The following KATNAL1 variants were observed in gnomAD, a reference collection of about 807,000 sequenced individuals.
KATNAL1 encodes katanin catalytic subunit A1 like 1.
A neutral mutation model predicts 55.2 loss-of-function variants in KATNAL1; 32 were observed. The observed-to-expected ratio is 0.58, with a 90% CI of 0.44 to 0.78. The LOEUF (loss-of-function observed/expected upper bound fraction) is 0.78. Among genes scored for constraint, KATNAL1 ranks in the 30% least tolerant of loss-of-function variants. The pLI is 0.00. For missense variants in KATNAL1, 466 were observed against 600.9 expected (o/e 0.78, Z 2.35); for synonymous variants, 193 against 193.6 (o/e 1.00, Z 0.02).
chr13:30,296,527 T>C lies in KATNAL1; in HGVS notation c.-15+10804A>G, dbSNP rs952394377. The C allele has an allele frequency of 5.4e-6, 4 of 735,330 alleles. No individual in the cohort carries two copies. In the African/African-American group the frequency reaches 7.0e-5, roughly 13 times the overall value. 45.6% of individuals were successfully genotyped at this position (735,330 alleles called of 1,614,324 possible). ...GAGTGCATTGCCTACTGGGGCCTCT[T>C]TATCATTGATGGCAAGGGTGTCCTT... On this transcript the variant is annotated intron_variant, in intron 1 of 10. Transcript: ENST00000380615.
chr13:30,286,957 T>A (rs973187887), intron 1 of KATNAL1, among the ~76,000 whole-genome samples: 5 of 152,220 alleles, frequency 3.3e-5, no homozygotes, highest in African/African-American at 1.2e-4. Flanking sequence ...ATGGCCTATA[T>A]CCCTTTGTTT....
At position 30,241,011 on chromosome 13, in the gene KATNAL1, G is replaced by C; in HGVS notation, c.568C>G (p.Leu190Val). The C allele has an allele frequency of 6.2e-7, 1 of 1,613,466 alleles. No homozygotes were observed. The highest frequency in any genetic ancestry group is 8.5e-7 in the Non-Finnish European group (1 of 1,179,674). The change falls in exon 5 of 11, where the codon CTG becomes GTG. Residue 190 changes from leucine (L) to valine (V), a missense_variant. Coordinates refer to ENST00000380615, the MANE Select transcript of KATNAL1 (RefSeq NM_032116.5). ...ATGTCTCTTTCAAGGGCTTCCACCAGATCCTTATCATAACCAGCACCATCA... is the reference window on the plus strand; with the variant it reads ...ATGTCTCTTTCAAGGGCTTCCACCACATCCTTATCATAACCAGCACCATCA... ...KFDGAGYDKDLVEALERDIVS... is the reference protein window; with the variant it reads ...KFDGAGYDKDVVEALERDIVS...
chr13:30,265,767 T>C (rs181297726), intron 3 of KATNAL1, among the ~76,000 whole-genome samples: 411 of 151,450 alleles, frequency 2.7e-3, no homozygotes, highest in Non-Finnish European at 4.2e-3. Context: ...TCCCAGCACT[T>C]TGGGAGGCTG....
At chr13:30,217,517 G>A (rs1321429417) in intron 9 of KATNAL1, among the ~76,000 whole-genome samples, 1 of 152,180 alleles carries the variant, frequency 6.6e-6, no homozygotes, top group Non-Finnish European at 1.5e-5. Context: ...TTAATGTGTT[G>A]TTAATCATAG....
intron 1 of KATNAL1, among the ~76,000 whole-genome samples, chr13:30,289,203 A>T (rs981923168): frequency 1.3e-5 from 2 of 152,228 alleles, no homozygotes; most frequent in African/African-American, 4.8e-5. Context: ...ACAACTGAGC[A>T]GTATTGGTAA....
chr13:30,277,626 A>C (rs1880940815), intron 3 of KATNAL1, among the ~76,000 whole-genome samples: 1 of 152,234 alleles, frequency 6.6e-6, no homozygotes, highest in African/African-American at 2.4e-5. Flanking sequence ...TTTAAGTCTA[A>C]ATTTGCAATC....
rs1024078913 is a variant in KATNAL1 at position 30,207,511 on chromosome 13, T to C, written c.*1029A>G. On this transcript the variant is annotated 3_prime_UTR_variant, in exon 11 of 11. Transcript: ENST00000380615. ...TGGACTTGTTTAGAATGTAAAAGTA[T>C]TTATCTCAAATACTAAAATCAAACT... 8 of 152,218 alleles carry C rather than the reference T, an allele frequency of 5.3e-5. No individual in the cohort carries two copies. The highest frequency in any genetic ancestry group is 1.9e-4 in the African/African-American group (8 of 41,456). The allele number at this position is 152,218 out of a possible 1,614,324, so 9.4% of individuals were successfully genotyped here. A position where few individuals can be genotyped will look rare whatever the true frequency, so the allele number is the denominator to read the frequency against.
chr13:30,269,343 C>T (rs1194224916), intron 3 of KATNAL1, among the ~76,000 whole-genome samples: 1 of 152,224 alleles, frequency 6.6e-6, no homozygotes, highest in Non-Finnish European at 1.5e-5. Context: ...CTCGGCCTCC[C>T]GAGGTGCCGG....
intron 3 of KATNAL1, 109 bp from the exon 4 acceptor site, chr13:30,255,724 A>G: frequency 9.0e-7 from 1 of 1,106,614 alleles, no homozygotes; most frequent in Non-Finnish European, 1.1e-6. Context: ...AAAAGCCCGA[A>G]AGCTAATTTT....
intron 8 of KATNAL1, among the ~76,000 whole-genome samples, chr13:30,230,052 C>T (rs1477676343): frequency 4.0e-5 from 6 of 150,164 alleles, no homozygotes; most frequent in South Asian, 2.1e-4. Context: ...TGATACCCTA[C>T]GTCTTACAGC....
chr13:30,265,078 A>G (rs902867312), intron 3 of KATNAL1, among the ~76,000 whole-genome samples: 8 of 151,508 alleles, frequency 5.3e-5, no homozygotes, highest in Non-Finnish European at 1.2e-4. Context: ...TTGTAGGGAC[A>G]TGGATGAAAT....
chr13:30,266,944 A>C (rs1879823144), intron 3 of KATNAL1, among the ~76,000 whole-genome samples: 1 of 152,192 alleles, frequency 6.6e-6, no homozygotes, highest in African/African-American at 2.4e-5. Context: ...ACAGTTATTT[A>C]AGCTGGGATA....
At chr13:30,278,842 G>A (rs1881058641) in intron 3 of KATNAL1, among the ~76,000 whole-genome samples, 1 of 152,102 alleles carries the variant, frequency 6.6e-6, no homozygotes, top group Admixed American at 6.5e-5. Context: ...TTAAAACACT[G>A]CCTTTTGAGG....
Position 30,307,469 on chromosome 13 carries a change from A to T in KATNAL1, c.-153T>A, listed in dbSNP as rs947558528. 3 of 151,236 alleles carry T rather than the reference A, an allele frequency of 2.0e-5. 1 individual carries two copies. Among genetic ancestry groups the T allele is most frequent in the Non-Finnish European group, 4.4e-5 (3 of 68,104 alleles). The allele number at this position is 151,236 out of a possible 1,614,324, so 9.4% of individuals were successfully genotyped here. On this transcript the variant is annotated 5_prime_UTR_variant, in exon 1 of 11. It removes an upstream start codon present in the reference 5' UTR. Transcript: ENST00000380615. ...AAGGCGGCGGCGGCGTAGTGTTGCCATGGCAGCCGCGGCCGCGCGGTGGGC... is the reference window on the plus strand; with the variant it reads ...AAGGCGGCGGCGGCGTAGTGTTGCCTTGGCAGCCGCGGCCGCGCGGTGGGC...
Position 30,206,056 on chromosome 13 carries a change from G to A in KATNAL1, c.*2484C>T, listed in dbSNP as rs1450072762. The A allele has an allele frequency of 6.6e-6, 1 of 152,286 alleles. No individual in the cohort carries two copies. Among genetic ancestry groups the A allele is most frequent in the Non-Finnish European group, 1.5e-5 (1 of 68,346 alleles). 9.4% of individuals were successfully genotyped at this position (152,286 alleles called of 1,614,324 possible). A position where few individuals can be genotyped will look rare whatever the true frequency, so the allele number is the denominator to read the frequency against. Reference sequence around the variant, plus strand: ...CCAGCACTTTGGGAGGCCAATGTGGGCGGATCATCTGAGGTCAGGAGTTCG... The same window carrying A: ...CCAGCACTTTGGGAGGCCAATGTGGACGGATCATCTGAGGTCAGGAGTTCG... On this transcript the variant is annotated 3_prime_UTR_variant, in exon 11 of 11. Transcript: ENST00000380615.
intron 3 of KATNAL1, among the ~76,000 whole-genome samples, chr13:30,271,878 G>GAAAAAAAAAAAAA (rs71299873): frequency 2.6e-5 from 2 of 76,792 alleles, no homozygotes; most frequent in Non-Finnish European, 4.9e-5. Context: ...AAGAAAAGAG[G>GAAAAAAAAAAAAA]AAAAAAAAAA....
chr13:30,305,043 T>C (rs543817411), intron 1 of KATNAL1, among the ~76,000 whole-genome samples: 1 of 152,334 alleles, frequency 6.6e-6, no homozygotes, highest in Admixed American at 6.5e-5. Flanking sequence ...TGTTTTTTTC[T>C]ATTATACAAC....
chr13:30,215,101 A>C (rs74736448), intron 9 of KATNAL1, among the ~76,000 whole-genome samples: 7,426 of 151,490 alleles, frequency 0.049, 272 homozygotes, highest in African/African-American at 0.1. Context: ...ACCCCATCAA[A>C]AAGTGGGCGA....
At chr13:30,294,115 A>G (rs922964317) in intron 1 of KATNAL1, among the ~76,000 whole-genome samples, 4 of 152,190 alleles carry the variant, frequency 2.6e-5, no homozygotes, top group Admixed American at 6.5e-5. Context: ...AATTAGGCCA[A>G]TGAAGAACCC....
Sources: gnomAD v4.1 joint callset for allele counts (sites outside exome capture counted in the v4.1 genomes callset) on GRCh38, gnomAD v4.1.1 for gene constraint, MANE v1.5 for transcripts, NCBI Gene and HGNC (gene_info 2026-07-23, HGNC 2026-07-21) for gene names.